Variants in NCKAP5L observed in about 807,000 individuals in gnomAD.
NCKAP5L encodes the protein NCK associated protein 5 like.
A neutral mutation model predicts 103.2 loss-of-function variants in NCKAP5L; 54 were observed. That is an observed-to-expected ratio of 0.52 (90% CI 0.42 to 0.66). The LOEUF (loss-of-function observed/expected upper bound fraction) is 0.66, where lower values mean the gene tolerates loss of function less well. NCKAP5L is among the 30% of genes least tolerant of loss of function. NCKAP5L has a pLI of 0.00. For synonymous variants in NCKAP5L, 762 were observed against 748.6 expected, an observed-to-expected ratio of 1.02 and a Z score of -0.29; for missense variants, 1,733 against 1,750.6, an observed-to-expected ratio of 0.99 and a Z score of 0.18.
At chr12:49,799,155 C>T (rs944790479) in intron 6 of NCKAP5L, among the ~76,000 whole-genome samples, 14 of 152,158 alleles carry the variant, frequency 9.2e-5, no homozygotes, top group African/African-American at 3.1e-4. Context: ...GCTGCAGCAG[C>T]GCCTCCAGCC....
chr12:49,795,616 C>T lies in NCKAP5L; in HGVS notation c.2244G>A (p.Gly748=), dbSNP rs146474776. The T allele has an allele frequency of 2.0e-3, 3,160 of 1,601,040 alleles. 59 individuals are homozygous for T. The African/African-American group carries it at 0.037, about 19-fold the overall frequency. Residue 748 remains glycine (G), a synonymous_variant, in exon 8 of 13, where the codon GGG becomes GGA. Coordinates refer to ENST00000335999, the MANE Select transcript of NCKAP5L (RefSeq NM_001037806.4). The stretch of plus-strand genomic sequence containing the variant: ...TGGAGTGAGAGGAGTAGACTCGGGC[C>T]CCGGGATCCCCCATAAGTCCAGGTT... ...QQEPGLMGDP[G]ARVYSSHSMG... is the part of the protein sequence containing the mutation.
intron 10 of NCKAP5L, 106 bp downstream of exon 10, chr12:49,793,246 G>A (rs1945969338): frequency 1.7e-6 from 2 of 1,165,766 alleles, no homozygotes; most frequent in Admixed American, 2.0e-5. Flanking sequence ...GCACCAAGAT[G>A]GCACACAGAG....
At chr12:49,794,186 G>T (rs1368235792) in intron 8 of NCKAP5L, among the ~76,000 whole-genome samples, 1 of 152,148 alleles carries the variant, frequency 6.6e-6, no homozygotes, top group South Asian at 2.1e-4. Context: ...AGGTAGACTG[G>T]CAGACCCGGT....
At chr12:49,820,735 C>CA (rs901954176) in intron 1 of NCKAP5L, among the ~76,000 whole-genome samples, 5 of 152,228 alleles carry the variant, frequency 3.3e-5, no homozygotes, top group Admixed American at 1.3e-4. Flanking sequence ...CCAGAGGTGA[C>CA]ACCCCAAGCT....
chr12:49,797,356 G>A lies in NCKAP5L; in HGVS notation c.504C>T (p.Gly168=), dbSNP rs762830156. The change falls in exon 8 of 13, where the codon GGC becomes GGT. Residue 168 remains glycine (G), a synonymous_variant. Transcript: ENST00000335999. The surrounding 1 kb of genome is among the most constrained non-coding windows in gnomAD (Gnocchi z 4.5). ...GCGCTGGGGGTGGGGCGGCTGGGGG[G>A]CCTGGGCCTCCTGGCCTCAGCTGCT... ...WEQQLRPGGP[G]PPAAPPPALD... 1.9e-6 allele frequency: 3 copies of A among 1,610,612 alleles called. No homozygotes were observed. Among genetic ancestry groups the A allele is most frequent in the East Asian group, 2.2e-5 (1 of 44,842 alleles).
chr12:49,791,568 G>T lies in NCKAP5L; in HGVS notation c.*271C>A. On this transcript the variant is annotated 3_prime_UTR_variant, in exon 13 of 13. Transcript: ENST00000335999. ...GGGACTGGAGGGCTGCGACACAGTG[G>T]CCTTTAACCCCCAGTCCCTTCCAGG... 1.4e-5 allele frequency: 5 copies of T among 351,606 alleles called. No homozygotes were observed. Among genetic ancestry groups the T allele is most frequent in the Non-Finnish European group, 2.6e-5 (5 of 194,652 alleles). 21.8% of individuals were successfully genotyped at this position (351,606 alleles called of 1,614,324 possible).
At chr12:49,825,053 T>C (rs1666113678) in intron 1 of NCKAP5L, among the ~76,000 whole-genome samples, 1 of 152,126 alleles carries the variant, frequency 6.6e-6, no homozygotes, top group African/African-American at 2.4e-5. Flanking sequence ...CACAGCAGAA[T>C]CAGGAGTCCT....
Position 49,796,406 on chromosome 12 carries a change from C to G in NCKAP5L, c.1454G>C (p.Arg485Pro). The change falls in exon 8 of 13, where the codon CGA (arginine) becomes CCA (proline). Residue 485 changes from arginine to proline, a missense_variant. Coordinates refer to ENST00000335999, the MANE Select transcript of NCKAP5L (RefSeq NM_001037806.4). ...TGAGCCACTGTTCCGACAGGGGATT[C>G]GCGAGTTCCGGGGGAGCTGGGGACT... is the stretch of plus-strand genomic sequence containing the variant. ...QLSPQLPRNSRIPCRNSGSDG... is the reference protein window; with the variant it reads ...QLSPQLPRNSPIPCRNSGSDG... The G allele has an allele frequency of 6.4e-7, 1 of 1,573,682 alleles. No homozygotes were observed. Among genetic ancestry groups the G allele is most frequent in the African/African-American group, 1.4e-5 (1 of 74,010 alleles).
In NCKAP5L at chr12:49,791,982, A is replaced by C; in HGVS notation, c.3862T>G (p.Phe1288Val). 6.2e-7 allele frequency: 1 copy of C among 1,607,844 alleles called. No individual in the cohort carries two copies. Among genetic ancestry groups the C allele is most frequent in the Non-Finnish European group, 8.5e-7 (1 of 1,177,302 alleles). The change falls in exon 13 of 13, where the codon TTC becomes GTC. Residue 1288 changes from phenylalanine (F) to valine (V), a missense_variant. By Grantham distance (50) the Phe-to-Val change is conservative. Coordinates refer to ENST00000335999, the MANE Select transcript of NCKAP5L (RefSeq NM_001037806.4). ...RPSPTPQGPP[F>V]GGSRTPSTSD... is the part of the protein sequence containing the mutation. The stretch of plus-strand genomic sequence containing the variant: ...GTGCTGGGGGTGCGGCTACCCCCGA[A>C]AGGTGGGCCCTGGGGCGTAGGGGAC...
In NCKAP5L at chr12:49,795,583, G is replaced by T; in HGVS notation, c.2277C>A (p.Ala759=). 2 of 1,558,444 alleles carry T rather than the reference G, an allele frequency of 1.3e-6. No individual in the cohort carries two copies. Among genetic ancestry groups the T allele is most frequent in the South Asian group, 2.5e-5 (2 of 81,216 alleles). The change falls in exon 8 of 13, where the codon GCC becomes GCA. Residue 759 remains alanine (A), a synonymous_variant. Coordinates refer to ENST00000335999, the MANE Select transcript of NCKAP5L (RefSeq NM_001037806.4). ...ARVYSSHSMG[A]RVDLEPVSPR... is the part of the protein sequence containing the mutation. ...GTGAGACAGGCTCCAGGTCCACCCG[G>T]GCCCCCATGGAGTGAGAGGAGTAGA... is the stretch of plus-strand genomic sequence containing the variant.
Position 49,794,774 on chromosome 12 carries a change from A to G in NCKAP5L, c.3086T>C (p.Leu1029Pro). Reference protein sequence around the residue: ...YQGADTFMQQLLNRVDGKELP... With the variant: ...YQGADTFMQQPLNRVDGKELP... The stretch of plus-strand genomic sequence containing the variant: ...GATCCCAGGACCTCACCTGTTTAGC[A>G]GCTGCTGCATGAAGGTGTCTGCACC... Residue 1029 changes from leucine to proline, a missense_variant, in exon 8 of 13, where the codon CTG becomes CCG. Coordinates refer to ENST00000335999, the MANE Select transcript of NCKAP5L (RefSeq NM_001037806.4). 1 of 1,521,154 alleles carries G rather than the reference A, an allele frequency of 6.6e-7. No homozygotes were observed. Among genetic ancestry groups the G allele is most frequent in the Non-Finnish European group, 8.8e-7 (1 of 1,133,688 alleles). The allele number at this position is 1,521,154 out of a possible 1,614,324, so 94.2% of individuals were successfully genotyped here. A position where few individuals can be genotyped will look rare whatever the true frequency, so the allele number is the denominator to read the frequency against.
intron 8 of NCKAP5L, 34 bp downstream of exon 8, chr12:49,794,731 A>C (rs1592746932): frequency 7.0e-7 from 1 of 1,429,136 alleles, no homozygotes; most frequent in Non-Finnish European, 9.2e-7. Context: ...CCCCAAGCCC[A>C]CCAAGCCCCT....
intron 1 of NCKAP5L, among the ~76,000 whole-genome samples, chr12:49,820,872 C>A (rs1411035000): frequency 6.6e-6 from 1 of 152,168 alleles, no homozygotes; most frequent in African/African-American, 2.4e-5. Flanking sequence ...ATTCATGCAG[C>A]CAAACCGCGT....
At chr12:49,803,577 A>G (rs981782189) in intron 3 of NCKAP5L, among the ~76,000 whole-genome samples, 1 of 152,024 alleles carries the variant, frequency 6.6e-6, no homozygotes, top group Non-Finnish European at 1.5e-5. Flanking sequence ...CTCCTGAGCC[A>G]TGGGCCATCC....
At position 49,797,490 on chromosome 12, in the gene NCKAP5L, G is replaced by C. The variant is rs111603926; in HGVS notation, c.466-96C>G. On this transcript the variant is annotated intron_variant, in intron 7 of 12. Transcript: ENST00000335999. This position sits in a 1 kb window ranked among gnomAD's most constrained non-coding sequence, Gnocchi z 4.5. ...GGGCTGGCTTAACAGGGAATGCCAGGAACAGAGCTGGCCTGGTTGTGTCTG... is the reference window on the plus strand; with the variant it reads ...GGGCTGGCTTAACAGGGAATGCCAGCAACAGAGCTGGCCTGGTTGTGTCTG... The C allele has an allele frequency of 9.2e-3, 8,305 of 898,516 alleles. 63 individuals carry two copies. Among genetic ancestry groups the C allele is most frequent in the Non-Finnish European group, 0.011 (6,354 of 597,240 alleles). 55.7% of individuals were successfully genotyped at this position (898,516 alleles called of 1,614,324 possible).
At chr12:49,801,740 G>T in intron 6 of NCKAP5L, 108 bp downstream of exon 6, 1 of 1,374,872 alleles carries the variant, frequency 7.3e-7, no homozygotes, top group Non-Finnish European at 1.0e-6. Context: ...AAGGTGGACA[G>T]CTGATGGCCT....
intron 1 of NCKAP5L, among the ~76,000 whole-genome samples, chr12:49,811,059 A>C (rs897318301): frequency 2.6e-5 from 4 of 152,208 alleles, no homozygotes; most frequent in Non-Finnish European, 5.9e-5. Context: ...AGTCCAACTG[A>C]GGAACTGAAT....
Position 49,796,641 on chromosome 12 carries a change from TAAGG to T in NCKAP5L, c.1215_1218del (p.Phe405LeufsTer25). The T allele has an allele frequency of 6.3e-7, 1 of 1,586,674 alleles. No homozygotes were observed. Among genetic ancestry groups the T allele is most frequent in the Non-Finnish European group, 8.6e-7 (1 of 1,167,468 alleles). The stretch of plus-strand genomic sequence containing the variant: ...GCATCCCCAGCACCCATGAACATGC[TAAGG>T]AAGGGGAGGGGCCCCTGGCCCTCTG... On this transcript the variant is annotated frameshift_variant, in exon 8 of 13. Transcript: ENST00000335999. LOFTEE classifies it high-confidence loss of function.
rs762865230 is a variant in NCKAP5L, at chr12:49,803,000, G to C, written c.193-4C>G. 3.9e-5 allele frequency: 63 copies of C among 1,614,130 alleles called. No individual in the cohort carries two copies. Among genetic ancestry groups the C allele is most frequent in the Non-Finnish European group, 5.3e-5 (62 of 1,180,044 alleles). Reference sequence around the variant, plus strand: ...CCTGTACCACATGGTTGGCAACCTGGGGACAGAAAGCCCCGAGGCAGAGCC... The same window carrying C: ...CCTGTACCACATGGTTGGCAACCTGCGGACAGAAAGCCCCGAGGCAGAGCC... On this transcript the variant is annotated splice_region_variant and splice_polypyrimidine_tract_variant and intron_variant, in intron 4 of 12. Coordinates refer to ENST00000335999, the MANE Select transcript of NCKAP5L (RefSeq NM_001037806.4).
Sources: gnomAD v4.1 joint callset for allele counts (sites outside exome capture counted in the v4.1 genomes callset) on GRCh38, gnomAD v4.1.1 for gene constraint, Gnocchi (gnomAD v3.1) non-coding constraint, MANE v1.5 for transcripts, NCBI Gene and HGNC (gene_info 2026-07-23, HGNC 2026-07-21) for gene names.